NOL9: variants seen among roughly 807,000 people sequenced by gnomAD.
The protein encoded by NOL9 is nucleolar protein 9.
A neutral mutation model predicts 67.9 loss-of-function variants in NOL9; 28 were observed. The observed-to-expected ratio is 0.41, with a 90% confidence interval of 0.31 to 0.57. The LOEUF is 0.57. Ranked by LOEUF, NOL9 falls within the 20% of genes least tolerant of loss-of-function variation. The pLI, the probability that NOL9 is intolerant of heterozygous loss-of-function variation, is 0.25. For synonymous variants in NOL9, 356 were observed against 352.2 expected (o/e 1.01, Z -0.12); for missense variants, 777 against 897.0 (o/e 0.87, Z 1.71).
chr1:6,536,720 C>T (rs779063648), intron 6 of NOL9, among the ~76,000 whole-genome samples: 9 of 151,898 alleles, frequency 5.9e-5, no homozygotes, highest in Non-Finnish European at 8.8e-5. Context: ...TTCCCAGCTA[C>T]CTGCAAGGCT....
chr1:6,549,876 C>A (rs531873462), intron 2 of NOL9, among the ~76,000 whole-genome samples, 178 bp from the exon 3 acceptor site: 1 of 152,184 alleles, frequency 6.6e-6, no homozygotes. Context: ...AGAAGTCAAT[C>A]GAGGTTTGCC....
Position 6,524,245 on chromosome 1 carries a change from A to T in NOL9, c.*1609T>A, listed in dbSNP as rs977119676. 3.2e-4 allele frequency: 2 copies of T among 6,184 alleles called. No homozygotes were observed. Among genetic ancestry groups the T allele is most frequent in the Non-Finnish European group, 0.012 (2 of 168 alleles). The allele number at this position is 6,184 out of a possible 1,614,324, so 0.4% of individuals were successfully genotyped here. On this transcript the variant is annotated 3_prime_UTR_variant, in exon 12 of 12. Transcript: ENST00000377705. ...AAAATACTAAAGACAATGATAACCA[A>T]CAGTTGTATAAGTGTATATAAGTGT...
chr1:6,533,341 A>G lies in NOL9; in HGVS notation c.1176T>C (p.Tyr392=), dbSNP rs1236337747. 3 of 1,613,482 alleles carry G rather than the reference A, an allele frequency of 1.9e-6. No individual in the cohort carries two copies. The highest frequency in any genetic ancestry group is 2.5e-6 in the Non-Finnish European group (3 of 1,179,644). The change falls in exon 7 of 12, where the codon TAT becomes TAC. Residue 392 remains tyrosine (Y), a synonymous_variant. Transcript: ENST00000377705. ...NYENYIDIVK[Y]VFSAYKRESP... ...ACTCTCTCTTGTAAGCGCTGAACAC[A>G]TATTTCACTATGTCAATATAATTCT...
chr1:6,540,343 C>T (rs113602544), intron 6 of NOL9, among the ~76,000 whole-genome samples: 3,376 of 151,766 alleles, frequency 0.022, 131 homozygotes, highest in African/African-American at 0.076. Context: ...AGGATGGTCT[C>T]GATCTCCTAA....
At position 6,532,044 on chromosome 1, in the gene NOL9, A is replaced by G. The variant is rs1639040699; in HGVS notation, c.1571T>C (p.Ile524Thr). 1.2e-6 allele frequency: 2 copies of G among 1,614,218 alleles called. No homozygotes were observed. The highest frequency in any genetic ancestry group is 1.3e-5 in the African/African-American group (1 of 75,062). ...CTGCAGCTGGCTAAGGTAACTCAAGATGGACAGATCTCGAAGAATTTTGTT... is the reference window on the plus strand; with the variant it reads ...CTGCAGCTGGCTAAGGTAACTCAAGGTGGACAGATCTCGAAGAATTTTGTT... ...SHNKILRDLS[I>T]LSYLSQLQPP... The change falls in exon 9 of 12, where the codon ATC becomes ACC. Residue 524 changes from isoleucine to threonine, a missense_variant. Physicochemically the swap from Ile to Thr is moderately conservative, Grantham distance 89 (BLOSUM62 -1). Coordinates refer to ENST00000377705, the MANE Select transcript of NOL9 (RefSeq NM_024654.5).
Position 6,521,639 on chromosome 1 carries a change from G to A in NOL9, c.*4215C>T, listed in dbSNP as rs569902546. 6.6e-6 allele frequency: 1 copy of A among 152,324 alleles called. No homozygotes were observed. The highest frequency in any genetic ancestry group is 6.5e-5 in the Admixed American group (1 of 15,300). 9.4% of individuals were successfully genotyped at this position (152,324 alleles called of 1,614,324 possible). A position where few individuals can be genotyped will look rare whatever the true frequency, so the allele number is the denominator to read the frequency against. ...CTTCCTCAAGGGCTCTTTGACCACA[G>A]GAAGCTTGGTAGCAACAATTTTAAG... On this transcript the variant is annotated 3_prime_UTR_variant, in exon 12 of 12. Transcript: ENST00000377705.
chr1:6,547,518 G>GAA (rs58167405), intron 3 of NOL9, among the ~76,000 whole-genome samples: 81 of 134,270 alleles, frequency 6.0e-4, no homozygotes, highest in African/African-American at 2.0e-3. Context: ...TAAGGAAATG[G>GAA]AAAAAAAAAA....
At chr1:6,550,180 T>C (rs886505583) in intron 2 of NOL9, among the ~76,000 whole-genome samples, 5 of 152,110 alleles carry the variant, frequency 3.3e-5, no homozygotes, top group South Asian at 4.1e-4. Flanking sequence ...TACAGGCGCC[T>C]GCCACCACGC....
intron 9 of NOL9, among the ~76,000 whole-genome samples, chr1:6,530,986 G>A (rs1639012726): frequency 6.6e-6 from 1 of 152,164 alleles, no homozygotes; most frequent in Non-Finnish European, 1.5e-5. Flanking sequence ...TGTAAAATGG[G>A]GATAATAACA....
At chr1:6,553,972 G>C in intron 1 of NOL9, 135 bp downstream of exon 1, 1 of 669,970 alleles carries the variant, frequency 1.5e-6, no homozygotes, top group Non-Finnish European at 2.4e-6. Context: ...CCATCAAGAG[G>C]ATGGACTTGA....
chr1:6,529,247 C>T, intron 9 of NOL9, 76 bp from the exon 10 acceptor site: 1 of 1,349,948 alleles, frequency 7.4e-7, no homozygotes, highest in Non-Finnish European at 1.0e-6. Flanking sequence ...CTAGATTAAC[C>T]AGCTATCTAA....
At chr1:6,540,322 C>T (rs552463812) in intron 6 of NOL9, among the ~76,000 whole-genome samples, 9 of 151,908 alleles carry the variant, frequency 5.9e-5, no homozygotes, top group African/African-American at 2.2e-4. Context: ...CGGGGTTTCA[C>T]CATGTTAGCC....
Position 6,526,827 on chromosome 1 carries a change from T to C in NOL9, c.1828A>G (p.Ile610Val). Residue 610 changes from isoleucine (I) to valine (V), a missense_variant and splice_region_variant, in exon 11 of 12, where the codon ATC becomes GTC. Ile to Val is a conservative substitution (Grantham distance 29). Around this residue, in one of 2 missense-constraint regions of NOL9, gnomAD observed 413 missense variants for 552.6 expected, o/e 0.75. Coordinates refer to ENST00000377705, the MANE Select transcript of NOL9 (RefSeq NM_024654.5). ...TPICDCLGFG[I>V]CRGIDMEKRL... ...TTCTCCATGTCAATGCCTCTACAGA[T>C]GCCTTCAAGACACGCGCACAACACA... The C allele has an allele frequency of 1.2e-6, 2 of 1,603,856 alleles. No individual in the cohort carries two copies. Among genetic ancestry groups the C allele is most frequent in the Non-Finnish European group, 1.7e-6 (2 of 1,175,556 alleles).
intron 9 of NOL9, 120 bp downstream of exon 9, chr1:6,531,848 G>A: frequency 1.3e-6 from 1 of 757,904 alleles, no homozygotes; most frequent in African/African-American, 1.7e-5. Flanking sequence ...GTGTCACTGG[G>A]ATGTTCTGAG....
chr1:6,533,151 G>T, intron 7 of NOL9, 129 bp downstream of exon 7: 1 of 935,810 alleles, frequency 1.1e-6, no homozygotes, highest in Non-Finnish European at 1.6e-6. Flanking sequence ...CTCCAGCCTG[G>T]GCGACAGAGT....
chr1:6,527,159 A>G (rs1228792070), intron 10 of NOL9, among the ~76,000 whole-genome samples: 1 of 151,922 alleles, frequency 6.6e-6, no homozygotes, highest in Non-Finnish European at 1.5e-5. Context: ...AGACAGGAGA[A>G]TAGCTTGAAC....
intron 5 of NOL9, among the ~76,000 whole-genome samples, chr1:6,544,555 C>G: frequency 1.4e-4 from 1 of 6,928 alleles, no homozygotes; most frequent in East Asian, 4.5e-3. Flanking sequence ...CCCCCCCCCG[C>G]CCCCCACCCC....
chr1:6,533,266 A>T lies in NOL9; in HGVS notation c.1237+14T>A, dbSNP rs1277002304. 1.3e-6 allele frequency: 2 copies of T among 1,570,506 alleles called. No homozygotes were observed. Among genetic ancestry groups the T allele is most frequent in the East Asian group, 2.3e-5 (1 of 43,876 alleles). ...GCCTGTCCTTCCCTTGCAGATGTGC[A>T]CATGCAGGCTTACCTGAAACCCATC... On this transcript the variant is annotated intron_variant, in intron 7 of 11. Transcript: ENST00000377705.
intron 3 of NOL9, chr1:6,548,385 G>C: frequency 4.9e-6 from 1 of 204,620 alleles, no homozygotes; most frequent in Non-Finnish European, 1.0e-5. Flanking sequence ...AACCTGAAGT[G>C]ATCTGCCCAC....
Sources: gnomAD v4.1 joint callset for allele counts (sites outside exome capture counted in the v4.1 genomes callset) on GRCh38, gnomAD v4.1.1 for gene constraint, gnomAD v4.1.1 regional missense constraint, MANE v1.5 for transcripts, NCBI Gene and HGNC (gene_info 2026-07-23, HGNC 2026-07-21) for gene names.